SNX18: variants seen among roughly 807,000 people sequenced by gnomAD.
The protein encoded by SNX18 is sorting nexin-18.
Under a neutral mutation model 48.7 loss-of-function variants are expected in SNX18, and 35 were observed. The ratio of observed to expected loss-of-function variants is 0.72; its 90% CI spans 0.55 to 0.95. The LOEUF (loss-of-function observed/expected upper bound fraction) is 0.95, where lower values mean the gene tolerates loss of function less well. Among genes scored for constraint, SNX18 ranks in the 40% least tolerant of loss-of-function variants. The pLI, the probability that SNX18 is intolerant of heterozygous loss-of-function variation, is 0.00. For synonymous variants in SNX18, 492 were observed against 384.7 expected, an observed-to-expected ratio of 1.28 and a Z score of -3.26; for missense variants, 824 against 871.0, an observed-to-expected ratio of 0.95 and a Z score of 0.68.
At chr5:54,550,399 C>T (rs530732416), downstream of SNX18, among the ~76,000 whole-genome samples, 9 of 151,618 alleles carry the variant, frequency 5.9e-5, no homozygotes, top group African/African-American at 2.2e-4. Context: ...ACAAATTTCT[C>T]AGCTATCCAA....
chr5:54,634,531 AT>A, the SNX18 span, among the ~76,000 whole-genome samples: 26 of 149,414 alleles, frequency 1.7e-4, no homozygotes, highest in East Asian at 1.6e-3. Flanking sequence ...TTTTTTTGCG[AT>A]TTTTTTTTTC....
the SNX18 span, among the ~76,000 whole-genome samples, chr5:54,553,274 A>G: frequency 6.6e-6 from 1 of 152,206 alleles, no homozygotes; most frequent in Non-Finnish European, 1.5e-5. Flanking sequence ...AGCAGAGACC[A>G]CATTGGAGGC....
the SNX18 span, among the ~76,000 whole-genome samples, chr5:54,642,604 T>C: frequency 6.6e-6 from 1 of 152,186 alleles, no homozygotes; most frequent in Non-Finnish European, 1.5e-5. Context: ...TATTTCTTAG[T>C]TGAAAAGGAT....
At chr5:54,555,378 C>CTT in the SNX18 span, among the ~76,000 whole-genome samples, 1,461 of 144,536 alleles carry the variant, frequency 0.01, 36 homozygotes, top group African/African-American at 0.035. Context: ...GCATACCTTT[C>CTT]TTTTTTTTTT....
the SNX18 span, among the ~76,000 whole-genome samples, chr5:54,630,782 C>A: frequency 3.0e-4 from 43 of 145,236 alleles, 1 homozygote; most frequent in South Asian, 5.1e-3. Context: ...TGCAGTGAGC[C>A]AAGATCGCCA....
At chr5:54,612,720 T>C in the SNX18 span, among the ~76,000 whole-genome samples, 1 of 152,138 alleles carries the variant, frequency 6.6e-6, no homozygotes, top group African/African-American at 2.4e-5. Flanking sequence ...ATAGGTCCCT[T>C]TTCCTTCTCC....
the SNX18 span, among the ~76,000 whole-genome samples, chr5:54,608,045 T>C: frequency 6.6e-6 from 1 of 152,198 alleles, no homozygotes. Flanking sequence ...AGGAGTTCAA[T>C]TGCTAGGTCA....
the SNX18 span, among the ~76,000 whole-genome samples, chr5:54,574,267 C>T: frequency 6.6e-6 from 1 of 152,202 alleles, no homozygotes; most frequent in Admixed American, 6.5e-5. Context: ...CCTACTTCCT[C>T]ACAGCATAGT....
chr5:54,610,750 T>C, the SNX18 span, among the ~76,000 whole-genome samples: 1 of 152,186 alleles, frequency 6.6e-6, no homozygotes. Flanking sequence ...TGTTGTGGTG[T>C]TGAAGTAATT....
intron 1 of SNX18, among the ~76,000 whole-genome samples, chr5:54,529,136 G>A (rs1321009609): frequency 6.6e-6 from 1 of 152,200 alleles, no homozygotes; most frequent in Admixed American, 6.5e-5. Flanking sequence ...GAAATGGAGA[G>A]TAATTCAGTA....
At position 54,543,673 on chromosome 5, in the gene SNX18, A is replaced by G. The variant is rs1364197010; in HGVS notation, c.*241A>G. On this transcript the variant is annotated 3_prime_UTR_variant, in exon 2 of 2. Coordinates refer to ENST00000381410, the MANE Select transcript of SNX18 (RefSeq NM_001102575.2). ...CTATGTATGCCTACACTACCATTGTAACTTTTGGAATAATGATTATACTAT... is the reference window on the plus strand; with the variant it reads ...CTATGTATGCCTACACTACCATTGTGACTTTTGGAATAATGATTATACTAT... 2 of 457,250 alleles carry G rather than the reference A, an allele frequency of 4.4e-6. No individual in the cohort carries two copies. The highest frequency in any genetic ancestry group is 2.0e-5 in the African/African-American group (1 of 50,442). 28.3% of individuals were successfully genotyped at this position (457,250 alleles called of 1,614,324 possible).
At chr5:54,641,872 A>C in the SNX18 span, among the ~76,000 whole-genome samples, 1 of 152,140 alleles carries the variant, frequency 6.6e-6, no homozygotes, top group Non-Finnish European at 1.5e-5. Flanking sequence ...GCCATGCCCC[A>C]GTTCCTTGCT....
the SNX18 span, among the ~76,000 whole-genome samples, chr5:54,640,427 T>C: frequency 2.2e-4 from 34 of 152,220 alleles, no homozygotes; most frequent in African/African-American, 7.7e-4. Context: ...TTTTGCCATG[T>C]TGCCCAGGCT....
the SNX18 span, among the ~76,000 whole-genome samples, chr5:54,576,001 A>G: frequency 6.6e-6 from 1 of 152,238 alleles, no homozygotes; most frequent in Non-Finnish European, 1.5e-5. Context: ...TGAAGACAGT[A>G]AGTATACACA....
chr5:54,532,686 T>C (rs918611282), intron 1 of SNX18, among the ~76,000 whole-genome samples: 1 of 152,182 alleles, frequency 6.6e-6, no homozygotes, highest in African/African-American at 2.4e-5. Context: ...TTCAGAATTC[T>C]CCTGAAACTA....
chr5:54,596,303 GGCC>G, the SNX18 span, among the ~76,000 whole-genome samples: 1,353 of 152,130 alleles, frequency 8.9e-3, 11 homozygotes, highest in African/African-American at 0.03. Flanking sequence ...CCCGTCTGAG[GGCC>G]AGCACTATAG....
the SNX18 span, among the ~76,000 whole-genome samples, chr5:54,595,674 AC>A: frequency 6.6e-6 from 1 of 152,156 alleles, no homozygotes; most frequent in Non-Finnish European, 1.5e-5. Flanking sequence ...TTTAATAATA[AC>A]CATTCCAATG....
the SNX18 span, among the ~76,000 whole-genome samples, chr5:54,621,634 A>G: frequency 6.6e-6 from 1 of 152,164 alleles, no homozygotes; most frequent in African/African-American, 2.4e-5. Flanking sequence ...ATCAAGCACA[A>G]CAACGTTACT....
the SNX18 span, among the ~76,000 whole-genome samples, chr5:54,646,489 G>A: frequency 6.6e-6 from 1 of 152,224 alleles, no homozygotes; most frequent in Non-Finnish European, 1.5e-5. Flanking sequence ...GCATTGCGGG[G>A]GAGACAGGAG....
Sources: gnomAD v4.1 joint callset for allele counts (sites outside exome capture counted in the v4.1 genomes callset) on GRCh38, gnomAD v4.1.1 for gene constraint, MANE v1.5 for transcripts, NCBI Gene and HGNC (gene_info 2026-07-23, HGNC 2026-07-21) for gene names.